LGR5: variants seen among roughly 807,000 people sequenced by gnomAD.
LGR5 encodes leucine rich repeat containing G protein-coupled receptor 5, also known as leucine-rich repeat-containing G protein-coupled receptor 5.
Under a neutral mutation model 76.7 loss-of-function variants are expected in LGR5, and 54 were observed. That is an observed-to-expected ratio of 0.70 (90% CI 0.57 to 0.88). The LOEUF is 0.88. Among genes scored for constraint, LGR5 ranks in the 40% least tolerant of loss-of-function variants. The pLI is 0.00. For missense variants in LGR5, 1,078 were observed against 1,073.3 expected (o/e 1.00, Z -0.06); for synonymous variants, 406 against 421.9 (o/e 0.96, Z 0.46).
chr12:71,481,132 T>C (rs1873581186), intron 1 of LGR5, among the ~76,000 whole-genome samples: 1 of 152,224 alleles, frequency 6.6e-6, no homozygotes, highest in South Asian at 2.1e-4. Context: ...GTGCAGAACG[T>C]GCAGGTTACG....
chr12:71,513,096 G>A (rs909127179), intron 2 of LGR5, among the ~76,000 whole-genome samples: 1 of 152,170 alleles, frequency 6.6e-6, no homozygotes, highest in Non-Finnish European at 1.5e-5. Context: ...GGGCCTTGGG[G>A]ATCTGAATTT....
At chr12:71,481,478 T>C (rs1253924469) in intron 1 of LGR5, among the ~76,000 whole-genome samples, 1 of 152,248 alleles carries the variant, frequency 6.6e-6, no homozygotes, top group Non-Finnish European at 1.5e-5. Context: ...TGCCACATTT[T>C]CTTTATTCAG....
chr12:71,575,756 G>T (rs957939628), intron 13 of LGR5, among the ~76,000 whole-genome samples: 1 of 144,884 alleles, frequency 6.9e-6, no homozygotes, highest in Non-Finnish European at 1.5e-5. Flanking sequence ...GTGTGTGTGT[G>T]TGTATCATTC....
intron 3 of LGR5, among the ~76,000 whole-genome samples, chr12:71,526,068 CT>C (rs1173031369): frequency 6.6e-6 from 1 of 152,080 alleles, no homozygotes; most frequent in Non-Finnish European, 1.5e-5. Context: ...TCCTAGAACA[CT>C]TCCTTACTTA....
intron 1 of LGR5, among the ~76,000 whole-genome samples, chr12:71,481,919 C>T (rs1231290391): frequency 2.0e-5 from 3 of 152,140 alleles, no homozygotes; most frequent in African/African-American, 7.2e-5. Flanking sequence ...CACTCAATGA[C>T]ACAACACCAG....
At chr12:71,477,895 G>A (rs1280116815) in intron 1 of LGR5, among the ~76,000 whole-genome samples, 1 of 152,114 alleles carries the variant, frequency 6.6e-6, no homozygotes, top group Non-Finnish European at 1.5e-5. Flanking sequence ...CACTCTCATG[G>A]TGGATACAAC....
At position 71,521,612 on chromosome 12, in the gene LGR5, T is replaced by C. The variant is rs150221675; in HGVS notation, c.285-2794T>C. ...GTTTAGTCACTTAATCAGGTTTAGATGCAAGGAAGACTGGAAAATCGGACT... is the reference window on the plus strand; with the variant it reads ...GTTTAGTCACTTAATCAGGTTTAGACGCAAGGAAGACTGGAAAATCGGACT... On this transcript the variant is annotated intron_variant, in intron 2 of 17. Transcript: ENST00000266674. 4.1e-3 allele frequency among the ~76,000 whole-genome samples: 626 copies of C among 152,312 alleles called. 6 individuals are homozygous for C. The highest frequency in any genetic ancestry group is 0.014 in the African/African-American group (591 of 41,582).
At chr12:71,506,359 T>C (rs1213831590) in intron 2 of LGR5, among the ~76,000 whole-genome samples, 1 of 152,078 alleles carries the variant, frequency 6.6e-6, no homozygotes, top group African/African-American at 2.4e-5. Flanking sequence ...AATAATTCAC[T>C]TCCCCAAGGA....
At chr12:71,546,511 A>G (rs916788988) in intron 4 of LGR5, among the ~76,000 whole-genome samples, 9 of 152,054 alleles carry the variant, frequency 5.9e-5, no homozygotes, top group Admixed American at 1.3e-4. Context: ...CTGAATCACC[A>G]TAGCTTCCTC....
intron 3 of LGR5, 139 bp from the exon 4 acceptor site, chr12:71,534,976 G>A (rs1048936182): frequency 5.4e-6 from 3 of 556,854 alleles, no homozygotes; most frequent in African/African-American, 1.9e-5. Context: ...ACTCTTCACA[G>A]GAATTTCAGC....
chr12:71,573,046 G>C (rs1878687510), intron 13 of LGR5, 125 bp downstream of exon 13: 1 of 643,690 alleles, frequency 1.6e-6, no homozygotes, highest in Non-Finnish European at 2.6e-6. Flanking sequence ...TATTTGCTAT[G>C]AAACATCAAG....
At chr12:71,510,870 CCTTAGGTGGGAAGAA>C (rs1875118823) in intron 2 of LGR5, among the ~76,000 whole-genome samples, 1 of 151,712 alleles carries the variant, frequency 6.6e-6, no homozygotes, top group East Asian at 1.9e-4. Context: ...TGAGCAGAGG[CCTTAGGTGGGAAGAA>C]CGTGATGTGT....
At position 71,492,787 on chromosome 12, in the gene LGR5, G is replaced by GTTACAGCA. The variant is rs1565688545; in HGVS notation, c.213-11827_213-11826insTTACAGCA. ...TCTTTGTTCAGGACCTCTTGATTTT[G>GTTACAGCA]AGTTATGATATGCATGAAGAGGCCC... On this transcript the variant is annotated intron_variant, in intron 1 of 17. Transcript: ENST00000266674. Among the ~76,000 whole-genome samples the GTTACAGCA allele has an allele frequency of 1.3e-4, 19 of 145,868 alleles. 1 individual carries two copies. The highest frequency in any genetic ancestry group is 5.1e-4 in the African/African-American group (18 of 35,452).
rs1025094708 is a variant in LGR5, at chr12:71,485,663, G to A, written c.213-18951G>A. On this transcript the variant is annotated intron_variant, in intron 1 of 17. Coordinates refer to ENST00000266674, the MANE Select transcript of LGR5 (RefSeq NM_003667.4). Reference sequence around the variant, plus strand: ...AAGGATTGCTCAAGCCCAGGAGGGTGAGGCTGCTGTGAAGCATGATTGTGC... The same window carrying A: ...AAGGATTGCTCAAGCCCAGGAGGGTAAGGCTGCTGTGAAGCATGATTGTGC... Among the ~76,000 whole-genome samples, 23 of 152,164 alleles carry A rather than the reference G, an allele frequency of 1.5e-4. 1 individual carries two copies. The highest frequency in any genetic ancestry group is 1.2e-3 in the Admixed American group (18 of 15,286).
intron 8 of LGR5, among the ~76,000 whole-genome samples, chr12:71,566,148 T>C (rs1878329721): frequency 1.3e-5 from 2 of 152,202 alleles, no homozygotes; most frequent in African/African-American, 2.4e-5. Flanking sequence ...CTTTTCTCCT[T>C]AGTAACTATC....
At chr12:71,522,717 C>G (rs1244868951) in intron 2 of LGR5, among the ~76,000 whole-genome samples, 1 of 151,980 alleles carries the variant, frequency 6.6e-6, no homozygotes, top group African/African-American at 2.4e-5. Context: ...AATACAGTAG[C>G]TATCCAAGTC....
At chr12:71,443,773 A>C (rs560286647) in intron 1 of LGR5, among the ~76,000 whole-genome samples, 26 of 152,292 alleles carry the variant, frequency 1.7e-4, no homozygotes, top group South Asian at 8.3e-4. Context: ...AATATAATAA[A>C]TATACTTTTC....
At chr12:71,518,558 T>C (rs1875561346) in intron 2 of LGR5, among the ~76,000 whole-genome samples, 1 of 152,180 alleles carries the variant, frequency 6.6e-6, no homozygotes, top group African/African-American at 2.4e-5. Context: ...CATATGCTCA[T>C]TGCAGCACGA....
At chr12:71,542,910 T>C (rs1057324431) in intron 4 of LGR5, among the ~76,000 whole-genome samples, 11 of 152,112 alleles carry the variant, frequency 7.2e-5, no homozygotes, top group Admixed American at 6.5e-5. Flanking sequence ...TCCCCAACCA[T>C]GCATTCCTCT....
Sources: allele counts gnomAD v4.1 joint callset (sites outside exome capture counted in the v4.1 genomes callset), GRCh38; gene constraint gnomAD v4.1.1; transcripts MANE v1.5; gene names NCBI Gene and HGNC (gene_info 2026-07-23, HGNC 2026-07-21).